Variants in TAF4 observed in about 807,000 individuals in gnomAD.
The protein encoded by TAF4 is TATA-box binding protein associated factor 4.
A neutral mutation model predicts 90.3 loss-of-function variants in TAF4; 9 were observed. The ratio of observed to expected loss-of-function variants is 0.10; its 90% confidence interval spans 0.06 to 0.17. The LOEUF (loss-of-function observed/expected upper bound fraction) is 0.17. Ranked by LOEUF, TAF4 falls within the 10% of genes least tolerant of loss-of-function variation. The pLI is 1.00. For missense variants in TAF4, 1,351 were observed against 1,370.7 expected (o/e 0.99, Z 0.23); for synonymous variants, 818 against 638.9 (o/e 1.28, Z -4.23).
Position 61,979,791 on chromosome 20 carries a change from G to A in TAF4, c.3091-3456C>T, listed in dbSNP as rs537988357. Among the ~76,000 whole-genome samples the A allele has an allele frequency of 2.5e-4, 38 of 149,490 alleles. No individual in the cohort carries two copies. The South Asian group carries it at 3.6e-3, about 14-fold the overall frequency. On this transcript the variant is annotated intron_variant, in intron 14 of 14. Coordinates refer to ENST00000252996, the MANE Select transcript of TAF4 (RefSeq NM_003185.4). The stretch of plus-strand genomic sequence containing the variant: ...GCCGTGGCCACTCCAGAGGGACTGC[G>A]GCATGTGCAGGCGCCGTGGCCACTC...
At chr20:62,018,218 T>C (rs1401471262) in intron 1 of TAF4, among the ~76,000 whole-genome samples, 9 of 152,258 alleles carry the variant, frequency 5.9e-5, no homozygotes, top group Admixed American at 5.9e-4. Context: ...GGGGACTTTC[T>C]TGTCCGCCTC....
At chr20:62,052,278 C>T (rs1236481150) in intron 1 of TAF4, among the ~76,000 whole-genome samples, 3 of 151,514 alleles carry the variant, frequency 2.0e-5, no homozygotes, top group Non-Finnish European at 4.4e-5. Context: ...ACCCGAAGCA[C>T]GAATCCAAAT....
chr20:62,045,466 G>C (rs2055987957), intron 1 of TAF4, among the ~76,000 whole-genome samples: 1 of 152,256 alleles, frequency 6.6e-6, no homozygotes, highest in Non-Finnish European at 1.5e-5. Flanking sequence ...AGCACTCCGT[G>C]AGTGCTGTGG....
chr20:62,001,981 C>T (rs951232928), intron 9 of TAF4, among the ~76,000 whole-genome samples: 3 of 152,188 alleles, frequency 2.0e-5, no homozygotes, highest in Admixed American at 6.5e-5. Context: ...TAGAAACTTA[C>T]GGCAAGACCC....
chr20:62,011,199 AT>A (rs28382063), intron 3 of TAF4, among the ~76,000 whole-genome samples: 45 of 150,366 alleles, frequency 3.0e-4, no homozygotes, highest in Admixed American at 1.5e-3. Flanking sequence ...ATAAGCATGG[AT>A]TTTTTTTTTA....
Position 62,057,019 on chromosome 20 carries a change from C to G in TAF4, c.1360+7432G>C, listed in dbSNP as rs117181703. Among the ~76,000 whole-genome samples the G allele has an allele frequency of 1.4e-4, 21 of 152,358 alleles. No individual in the cohort carries two copies. In the East Asian group the frequency reaches 4.0e-3, roughly 29 times the overall value. The stretch of plus-strand genomic sequence containing the variant: ...CATGCTCTGAGCACCGTGCGTGGCT[C>G]CTATGAACACCACGGAGACCACGCT... On this transcript the variant is annotated intron_variant, in intron 1 of 14. Coordinates refer to ENST00000252996, the MANE Select transcript of TAF4 (RefSeq NM_003185.4).
chr20:62,033,737 C>CAAAAAA, intron 1 of TAF4, among the ~76,000 whole-genome samples: 1 of 64,610 alleles, frequency 1.5e-5, no homozygotes, highest in African/African-American at 6.0e-5. Context: ...GACTCCGTCT[C>CAAAAAA]AAAAAAAAAA....
At chr20:62,049,421 C>A (rs2145511229) in intron 1 of TAF4, among the ~76,000 whole-genome samples, 1 of 152,294 alleles carries the variant, frequency 6.6e-6, no homozygotes, top group South Asian at 2.1e-4. Context: ...TCAGTGACCA[C>A]CGCCCTCTTT....
intron 5 of TAF4, 85 bp downstream of exon 5, chr20:62,008,967 C>A: frequency 6.6e-7 from 1 of 1,517,576 alleles, no homozygotes; most frequent in South Asian, 1.3e-5. Flanking sequence ...CACAGGCCTC[C>A]CGGGCACAGG....
At chr20:61,998,083 CGCT>C in intron 13 of TAF4, 50 bp downstream of exon 13, 1 of 1,557,012 alleles carries the variant, frequency 6.4e-7, no homozygotes. Context: ...TCCCGTGGGG[CGCT>C]ACAGTGCACA....
Position 62,014,559 on chromosome 20 carries a change from G to A in TAF4, c.1509C>T (p.Ile503=). 1.2e-6 allele frequency: 2 copies of A among 1,613,386 alleles called. No individual in the cohort carries two copies. Among genetic ancestry groups the A allele is most frequent in the Non-Finnish European group, 1.7e-6 (2 of 1,179,784 alleles). ...CACGTGCACTCACCTGTACGGTGGA[G>A]ATCTGGACGGGAGGGGCACTTGTGG... The part of the protein sequence containing the change: ...ATPTSAPPVQ[I]STVQAPGTPI... Residue 503 remains isoleucine, a synonymous_variant, in exon 2 of 15, where the codon ATC becomes ATT. Coordinates refer to ENST00000252996, the MANE Select transcript of TAF4 (RefSeq NM_003185.4).
At chr20:62,064,223 C>A (rs1416119773) in intron 1 of TAF4, 2 of 430,462 alleles carry the variant, frequency 4.6e-6, no homozygotes, top group Admixed American at 4.4e-5. Context: ...CCAGCGCGGA[C>A]GTCAGGGACA....
chr20:61,987,969 T>C (rs2055604411), intron 14 of TAF4, among the ~76,000 whole-genome samples: 1 of 152,168 alleles, frequency 6.6e-6, no homozygotes, highest in South Asian at 2.1e-4. Context: ...AGAAGCCAGT[T>C]TGAGAAGGCT....
intron 14 of TAF4, chr20:61,980,143 C>T (rs2055530393): frequency 6.6e-6 from 1 of 152,410 alleles, no homozygotes. Context: ...ACGCATGGCG[C>T]TGCAGACAGC....
intron 14 of TAF4, among the ~76,000 whole-genome samples, chr20:61,978,523 G>C (rs575396744): frequency 0.011 from 1,644 of 144,348 alleles, 52 homozygotes; most frequent in African/African-American, 0.03. Context: ...GAGGGCGCGA[G>C]ACCAACCAAG....
chr20:62,002,501 T>C (rs1818315060), intron 9 of TAF4, among the ~76,000 whole-genome samples: 1 of 152,160 alleles, frequency 6.6e-6, no homozygotes, highest in South Asian at 2.1e-4. Context: ...ACAGCAGTTA[T>C]TTTTCTAGAA....
At chr20:62,057,493 A>C (rs1161332998) in intron 1 of TAF4, among the ~76,000 whole-genome samples, 3 of 152,226 alleles carry the variant, frequency 2.0e-5, no homozygotes, top group East Asian at 3.8e-4. Context: ...ATGTACCCCA[A>C]CACCACCCTA....
chr20:62,011,359 C>T (rs888578237), intron 3 of TAF4, among the ~76,000 whole-genome samples: 6 of 152,292 alleles, frequency 3.9e-5, no homozygotes, highest in African/African-American at 1.4e-4. Flanking sequence ...CACTTACTTC[C>T]ACTCCTAAGA....
chr20:62,033,928 A>ACTACTTG (rs1362954132), intron 1 of TAF4, among the ~76,000 whole-genome samples: 1 of 149,812 alleles, frequency 6.7e-6, no homozygotes, highest in African/African-American at 2.5e-5. Flanking sequence ...TGTAGTCCCT[A>ACTACTTG]CTACTTGGGA....
Sources: allele counts gnomAD v4.1 joint callset (sites outside exome capture counted in the v4.1 genomes callset), GRCh38; gene constraint gnomAD v4.1.1; transcripts MANE v1.5; gene names NCBI Gene and HGNC (gene_info 2026-07-23, HGNC 2026-07-21).